Variants in IGDCC3 observed in about 807,000 individuals in gnomAD.
The protein encoded by IGDCC3 is immunoglobulin superfamily DCC subclass member 3.
IGDCC3 carries 47 observed loss-of-function variants against 72.0 expected under a neutral mutation model. That is an observed-to-expected ratio of 0.65 (90% CI 0.52 to 0.83). The LOEUF (loss-of-function observed/expected upper bound fraction) is 0.83. IGDCC3 is among the 40% of genes least tolerant of loss of function. IGDCC3 has a pLI of 0.00. For missense variants in IGDCC3, 1,038 were observed against 1,091.3 expected (o/e 0.95, Z 0.69); for synonymous variants, 477 against 472.8 (o/e 1.01, Z -0.11).
At position 65,367,418 on chromosome 15, in the gene IGDCC3, C is replaced by A. The variant is rs1399544444; in HGVS notation, c.409+7679G>T. Reference sequence around the variant, plus strand: ...GGGAGGGATAGCTTTAGGAGATATACCTAATGCTAAATGACGAGTTAATGG... The same window carrying A: ...GGGAGGGATAGCTTTAGGAGATATAACTAATGCTAAATGACGAGTTAATGG... On this transcript the variant is annotated intron_variant, in intron 2 of 13. Transcript: ENST00000327987. Among the ~76,000 whole-genome samples, 8 of 149,914 alleles carry A rather than the reference C, an allele frequency of 5.3e-5. No individual in the cohort carries two copies. In the East Asian group the frequency reaches 5.9e-4, roughly 11 times the overall value.
At chr15:65,375,750 A>C (rs2091355169) in intron 1 of IGDCC3, among the ~76,000 whole-genome samples, 1 of 152,216 alleles carries the variant, frequency 6.6e-6, no homozygotes, top group African/African-American at 2.4e-5. Context: ...GACTGACTCC[A>C]ATACAGATGC....
chr15:65,375,429 G>T, intron 1 of IGDCC3, 27 bp from the exon 2 acceptor site: 1 of 1,551,546 alleles, frequency 6.4e-7, no homozygotes, highest in Non-Finnish European at 8.8e-7. Context: ...GAGATGGAAG[G>T]AAATAGGGGT....
chr15:65,353,705 C>T (rs1249677141), intron 2 of IGDCC3, among the ~76,000 whole-genome samples: 1 of 152,218 alleles, frequency 6.6e-6, no homozygotes, highest in Non-Finnish European at 1.5e-5. Flanking sequence ...GACCTCTGGT[C>T]ATCCTCACTA....
chr15:65,335,785 C>T (rs1567062200), intron 3 of IGDCC3, 27 bp downstream of exon 3: 1 of 1,613,458 alleles, frequency 6.2e-7, no homozygotes, highest in South Asian at 1.1e-5. Flanking sequence ...CTTTGTCCTC[C>T]CTCTGTCTTT....
At chr15:65,376,607 G>GC (rs1414673073) in intron 1 of IGDCC3, among the ~76,000 whole-genome samples, 5 of 88,568 alleles carry the variant, frequency 5.6e-5, no homozygotes, top group Admixed American at 1.3e-4. Flanking sequence ...CGCCCCCCGC[G>GC]CCCCCCTCCC....
In IGDCC3 at chr15:65,329,755, G is replaced by A; in HGVS notation, c.1968C>T (p.Val656=). ...CCCTTTGGCCGAACAGGAGGAAGAG[G>A]ACACAGAAGATGATGCAAGTGACCC... ...HIGVTCIIFC[V]LFLLFGQRGR... Residue 656 remains valine (V), a synonymous_variant, in exon 12 of 14, where the codon GTC becomes GTT. Transcript: ENST00000327987. This position sits in a 1 kb window ranked among gnomAD's most constrained non-coding sequence, Gnocchi z 4.1. The A allele has an allele frequency of 1.2e-6, 2 of 1,614,152 alleles. No homozygotes were observed. The highest frequency in any genetic ancestry group is 1.7e-6 in the Non-Finnish European group (2 of 1,180,040).
chr15:65,345,409 C>T (rs2091116308), intron 2 of IGDCC3, among the ~76,000 whole-genome samples: 1 of 152,040 alleles, frequency 6.6e-6, no homozygotes, highest in African/African-American at 2.4e-5. Flanking sequence ...CACAAATTAG[C>T]CGGGTATGGT....
rs544584130 is a variant in IGDCC3 at position 65,368,820 on chromosome 15, TC to T, written c.409+6276del. ...ATCCTCCCCGTTCACAAGCTTCTGT[TC>T]CTTTGAGCTGTGCTATCAATTACAA... On this transcript the variant is annotated intron_variant, in intron 2 of 13. Coordinates refer to ENST00000327987, the MANE Select transcript of IGDCC3 (RefSeq NM_004884.4). Among the ~76,000 whole-genome samples, 34 of 151,984 alleles carry T rather than the reference TC, an allele frequency of 2.2e-4. No homozygotes were observed. In the South Asian group the frequency reaches 7.1e-3, roughly 32 times the overall value.
intron 2 of IGDCC3, among the ~76,000 whole-genome samples, chr15:65,367,759 G>T (rs1000435843): frequency 3.9e-5 from 6 of 151,972 alleles, no homozygotes; most frequent in African/African-American, 1.5e-4. Flanking sequence ...CCCTAGGCTG[G>T]GTCTGTCCGC....
At chr15:65,373,581 T>C (rs1168174887) in intron 2 of IGDCC3, 1 of 152,692 alleles carries the variant, frequency 6.5e-6, no homozygotes, top group Non-Finnish European at 1.5e-5. Context: ...GGAAGAAACT[T>C]GTCAGCGATC....
At chr15:65,362,846 ATTTTTTT>A (rs869239198) in intron 2 of IGDCC3, among the ~76,000 whole-genome samples, 3 of 85,734 alleles carry the variant, frequency 3.5e-5, no homozygotes, top group Non-Finnish European at 6.8e-5. Context: ...AGGTTTGGGG[ATTTTTTT>A]TTTTTTTTTT....
intron 2 of IGDCC3, among the ~76,000 whole-genome samples, chr15:65,340,127 G>A (rs1425334066): frequency 6.6e-6 from 1 of 152,192 alleles, no homozygotes. Flanking sequence ...AAAAGAAACA[G>A]GAAGGAAACA....
chr15:65,362,817 T>C (rs2091269675), intron 2 of IGDCC3, among the ~76,000 whole-genome samples: 1 of 149,662 alleles, frequency 6.7e-6, no homozygotes, highest in Non-Finnish European at 1.5e-5. Context: ...TGAGAATACA[T>C]GGGGTTTTAT....
At chr15:65,355,856 C>A in intron 2 of IGDCC3, 4 of 368,260 alleles carry the variant, frequency 1.1e-5, no homozygotes, top group South Asian at 5.4e-5. Flanking sequence ...TTTCCCGCCA[C>A]CCCCTCCCCC....
At chr15:65,361,979 G>T (rs1311010322) in intron 2 of IGDCC3, among the ~76,000 whole-genome samples, 1 of 152,208 alleles carries the variant, frequency 6.6e-6, no homozygotes, top group African/African-American at 2.4e-5. Context: ...AGCCTGGGCT[G>T]CTTTGGACAC....
chr15:65,328,809 C>T lies in IGDCC3; in HGVS notation c.*100G>A. On this transcript the variant is annotated 3_prime_UTR_variant, in exon 14 of 14. Transcript: ENST00000327987. ...CAGTCAGGATAGAAATGCTGGGGAG[C>T]CCCCAGGACCATCCAAATCCCACAT... 3 of 1,356,290 alleles carry T rather than the reference C, an allele frequency of 2.2e-6. No homozygotes were observed. The highest frequency in any genetic ancestry group is 2.9e-6 in the Non-Finnish European group (3 of 1,030,998). 84.0% of individuals were successfully genotyped at this position (1,356,290 alleles called of 1,614,324 possible).
chr15:65,345,783 A>C (rs2091119920), intron 2 of IGDCC3, among the ~76,000 whole-genome samples: 1 of 152,074 alleles, frequency 6.6e-6, no homozygotes, highest in South Asian at 2.1e-4. Flanking sequence ...CATCTGTATA[A>C]CTCTGAGAGG....
chr15:65,359,077 C>T (rs1057418767), intron 2 of IGDCC3, among the ~76,000 whole-genome samples: 13 of 152,152 alleles, frequency 8.5e-5, no homozygotes, highest in Non-Finnish European at 2.9e-5. Context: ...GCACCTGCCC[C>T]AAGTGCTGGG....
rs893844741 is a variant in IGDCC3 at position 65,365,150 on chromosome 15, G to A, written c.409+9947C>T. Among the ~76,000 whole-genome samples the A allele has an allele frequency of 5.8e-4, 88 of 152,118 alleles. 4 individuals are homozygous for A. The highest frequency in any genetic ancestry group is 2.1e-4 in the South Asian group (1 of 4,818). On this transcript the variant is annotated intron_variant, in intron 2 of 13. Transcript: ENST00000327987. ...CTAGATGAGCACCAAGGTTTTTCCC[G>A]AAGCTCTAATCCTACCAGGAGACCG...
Sources: gnomAD v4.1 joint callset for allele counts (sites outside exome capture counted in the v4.1 genomes callset) on GRCh38, gnomAD v4.1.1 for gene constraint, Gnocchi (gnomAD v3.1) non-coding constraint, MANE v1.5 for transcripts, NCBI Gene and HGNC (gene_info 2026-07-23, HGNC 2026-07-21) for gene names.